The following CIMAP1D variants were observed in gnomAD, a reference collection of about 807,000 sequenced individuals.
The protein encoded by CIMAP1D is CIMAP1 family member D.
chr19:465,909 T>C, the CIMAP1D span, among the ~76,000 whole-genome samples: 4 of 134,250 alleles, frequency 3.0e-5, no homozygotes, highest in Non-Finnish European at 4.8e-5. Context: ...GATGGGTGGA[T>C]AGATGGATGA....
chr19:481,441 A>G, the CIMAP1D span, among the ~76,000 whole-genome samples: 2 of 121,158 alleles, frequency 1.7e-5, no homozygotes, highest in African/African-American at 3.4e-5. Flanking sequence ...ATGATGGGGA[A>G]GGATGATGGG....
At chr19:481,158 A>ATGGAGAAGGAATG in the CIMAP1D span, among the ~76,000 whole-genome samples, 1 of 62,938 alleles carries the variant, frequency 1.6e-5, no homozygotes, top group African/African-American at 7.8e-5. Context: ...GGGAAGGATG[A>ATGGAGAAGGAATG]TGGGAAGGAT....
At chr19:485,402 A>G in the CIMAP1D span, among the ~76,000 whole-genome samples, 1 of 152,224 alleles carries the variant, frequency 6.6e-6, no homozygotes, top group South Asian at 2.1e-4. Context: ...CTGCTGAGCC[A>G]GTGAGTGGAA....
the CIMAP1D span, chr19:489,415 C>T: frequency 7.4e-6 from 1 of 135,820 alleles, no homozygotes; most frequent in Admixed American, 7.0e-5. Context: ...CCAGCCAGAC[C>T]CTCTACGCCC....
At chr19:464,010 T>C in the CIMAP1D span, 1 of 1,608,618 alleles carries the variant, frequency 6.2e-7, no homozygotes, top group Non-Finnish European at 8.5e-7. Flanking sequence ...GGGGGTCTCC[T>C]CCAGGGGTCG....
chr19:470,846 C>T, the CIMAP1D span, among the ~76,000 whole-genome samples: 1 of 152,248 alleles, frequency 6.6e-6, no homozygotes, highest in African/African-American at 2.4e-5. Context: ...TCCCTGGGTG[C>T]CGGGCGGGGT....
At chr19:468,517 T>C in the CIMAP1D span, among the ~76,000 whole-genome samples, 3 of 152,214 alleles carry the variant, frequency 2.0e-5, no homozygotes, top group Admixed American at 1.3e-4. Flanking sequence ...CTGGTGACCT[T>C]GGCCAAGTTA....
At chr19:469,220 A>T in the CIMAP1D span, among the ~76,000 whole-genome samples, 2 of 147,286 alleles carry the variant, frequency 1.4e-5, no homozygotes, top group African/African-American at 5.1e-5. Flanking sequence ...GGCTGGGGAG[A>T]TTCTTTTTTT....
At chr19:473,810 A>T in the CIMAP1D span, among the ~76,000 whole-genome samples, 1 of 115,306 alleles carries the variant, frequency 8.7e-6, no homozygotes, top group African/African-American at 3.5e-5. Flanking sequence ...CCAGAGATAC[A>T]CGGTCACAGA....
the CIMAP1D span, chr19:472,601 TC>T: frequency 1.2e-6 from 1 of 846,766 alleles, no homozygotes; most frequent in Non-Finnish European, 1.7e-6. Flanking sequence ...CCCCTCTCCC[TC>T]CATGGTGAGG....
At chr19:467,854 C>T in the CIMAP1D span, 1 of 800,656 alleles carries the variant, frequency 1.2e-6, no homozygotes, top group Non-Finnish European at 2.0e-6. Context: ...CCCCGAGACA[C>T]TCCCACCAGG....
the CIMAP1D span, chr19:464,014 G>A: frequency 1.9e-6 from 3 of 1,607,670 alleles, no homozygotes. Context: ...GTCTCCTCCA[G>A]GGGTCGCGGG....
the CIMAP1D span, among the ~76,000 whole-genome samples, chr19:470,060 A>G: frequency 5.8e-3 from 888 of 152,078 alleles, 9 homozygotes; most frequent in African/African-American, 0.02. Flanking sequence ...CCCATGTTCC[A>G]CTTCCAAGAA....
chr19:476,557 C>A, the CIMAP1D span, among the ~76,000 whole-genome samples: 3 of 152,110 alleles, frequency 2.0e-5, no homozygotes, highest in Non-Finnish European at 4.4e-5. Context: ...TTTCACCCTG[C>A]AATGTAATTT....
the CIMAP1D span, among the ~76,000 whole-genome samples, chr19:465,140 T>G: frequency 9.3e-6 from 1 of 107,128 alleles, no homozygotes; most frequent in African/African-American, 3.7e-5. Context: ...AGTGGATGGA[T>G]GGATGGGTGG....
chr19:484,277 A>G, the CIMAP1D span, among the ~76,000 whole-genome samples: 1 of 151,258 alleles, frequency 6.6e-6, no homozygotes, highest in Non-Finnish European at 1.5e-5. Context: ...AGTAGCTGGG[A>G]TTACAGGTGT....
the CIMAP1D span, among the ~76,000 whole-genome samples, chr19:485,230 T>C: frequency 6.6e-6 from 1 of 152,154 alleles, no homozygotes. Context: ...GGTGCACGTT[T>C]ACACCACGTG....
At chr19:478,386 G>A in the CIMAP1D span, among the ~76,000 whole-genome samples, 93 of 152,360 alleles carry the variant, frequency 6.1e-4, 1 homozygote, top group South Asian at 0.01. Context: ...ACCTGCCTCC[G>A]TTTCCCCATT....
At chr19:489,515 T>G in the CIMAP1D span, 2 of 152,676 alleles carry the variant, frequency 1.3e-5, no homozygotes, top group African/African-American at 4.8e-5. Flanking sequence ...GGACCCGCTC[T>G]CCGTCCTCCC....
Sources: gnomAD v4.1 joint callset for allele counts (sites outside exome capture counted in the v4.1 genomes callset) on GRCh38, gnomAD v4.1.1 for gene constraint, MANE v1.5 for transcripts, NCBI Gene and HGNC (gene_info 2026-07-23, HGNC 2026-07-21) for gene names.